The following THSD7B variants were observed in gnomAD, a reference collection of about 807,000 sequenced individuals.
THSD7B encodes thrombospondin type-1 domain-containing protein 7B.
THSD7B carries 138 observed loss-of-function variants against 213.6 expected under a neutral mutation model. The observed-to-expected ratio is 0.65, with a 90% CI of 0.56 to 0.74. The LOEUF (loss-of-function observed/expected upper bound fraction) is 0.74. THSD7B is among the 30% of genes least tolerant of loss of function. The probability of loss-of-function intolerance (pLI) is 0.00; values close to 1 mark genes in which losing one functional copy is unlikely to be tolerated. For missense variants in THSD7B, 1,931 were observed against 1,991.5 expected (o/e 0.97, Z 0.58); for synonymous variants, 742 against 687.0 (o/e 1.08, Z -1.25).
At chr2:137,470,826 T>C (rs1160384528) in intron 15 of THSD7B, among the ~76,000 whole-genome samples, 1 of 152,164 alleles carries the variant, frequency 6.6e-6, no homozygotes, top group Non-Finnish European at 1.5e-5. Context: ...AGAATGTCTA[T>C]AGTCTTTAGA....
At chr2:137,272,951 T>G (rs1384688432) in intron 11 of THSD7B, among the ~76,000 whole-genome samples, 1 of 150,468 alleles carries the variant, frequency 6.6e-6, no homozygotes, top group African/African-American at 2.4e-5. Flanking sequence ...CGAAAGAGAT[T>G]CAGGATGAGA....
At chr2:137,344,125 T>C (rs1253892060) in intron 12 of THSD7B, among the ~76,000 whole-genome samples, 2 of 151,596 alleles carry the variant, frequency 1.3e-5, no homozygotes, top group Non-Finnish European at 3.0e-5. Flanking sequence ...GGGATCTAGG[T>C]TGCAGGCTTC....
At chr2:137,644,332 A>G (rs1243940727) in intron 21 of THSD7B, among the ~76,000 whole-genome samples, 2 of 152,212 alleles carry the variant, frequency 1.3e-5, no homozygotes, top group African/African-American at 4.8e-5. Flanking sequence ...CCCTTACCCA[A>G]ACAGTGCCAA....
intron 1 of THSD7B, among the ~76,000 whole-genome samples, chr2:136,874,555 C>G (rs1177797110): frequency 6.6e-6 from 1 of 152,150 alleles, no homozygotes; most frequent in Non-Finnish European, 1.5e-5. Flanking sequence ...CAAATTGAAA[C>G]TATTTTTACT....
chr2:137,576,651 T>C (rs1208019418), intron 17 of THSD7B, among the ~76,000 whole-genome samples: 3 of 152,144 alleles, frequency 2.0e-5, no homozygotes, highest in Non-Finnish European at 4.4e-5. Context: ...TAACTCTTTA[T>C]GTGTGCAGGA....
At chr2:137,308,353 G>A (rs1226255778) in intron 12 of THSD7B, among the ~76,000 whole-genome samples, 1 of 152,068 alleles carries the variant, frequency 6.6e-6, no homozygotes, top group Non-Finnish European at 1.5e-5. Context: ...GATTAGTCTT[G>A]TATCATCTAT....
intron 21 of THSD7B, 47 bp downstream of exon 21, chr2:137,642,680 A>G: frequency 1.2e-6 from 2 of 1,600,818 alleles, no homozygotes; most frequent in Non-Finnish European, 1.7e-6. Context: ...AGTATATTCG[A>G]AGCACTTGTC....
intron 12 of THSD7B, among the ~76,000 whole-genome samples, chr2:137,399,584 T>C (rs1686303199): frequency 1.3e-5 from 2 of 152,320 alleles, no homozygotes; most frequent in East Asian, 1.9e-4. Flanking sequence ...GAGTTTCCTT[T>C]AAAGATGACT....
chr2:136,986,042 A>T (rs1558877242), intron 2 of THSD7B, among the ~76,000 whole-genome samples: 1 of 152,222 alleles, frequency 6.6e-6, no homozygotes, highest in East Asian at 1.9e-4. Context: ...ATGAAAATGG[A>T]TACCTAATGC....
intron 15 of THSD7B, among the ~76,000 whole-genome samples, chr2:137,515,798 T>C (rs1680056952): frequency 1.3e-5 from 2 of 152,162 alleles, no homozygotes; most frequent in South Asian, 4.1e-4. Context: ...TCTCCCTTGG[T>C]TTAATGTAGA....
In THSD7B at chr2:137,303,704, T is replaced by TTA. The variant is rs1195856483; in HGVS notation, c.2500+27688_2500+27689dup. ...TATATTTATATATATTTATATATAT[T>TTA]TATATATATATTTATATATATATTT... On this transcript the variant is annotated intron_variant, in intron 12 of 27. Transcript: ENST00000409968. 9.9e-5 allele frequency among the ~76,000 whole-genome samples: 12 copies of TTA among 121,510 alleles called. 1 individual carries two copies. The highest frequency in any genetic ancestry group is 3.5e-4 in the African/African-American group (11 of 31,502). 79.7% of individuals were successfully genotyped at this position (121,510 alleles called of 152,430 possible). A position where few individuals can be genotyped will look rare whatever the true frequency, so the allele number is the denominator to read the frequency against.
chr2:136,998,261 C>CAAAAAAAAAAAAAAAAAGAAA (rs1685930601), intron 2 of THSD7B, among the ~76,000 whole-genome samples: 1 of 98,402 alleles, frequency 1.0e-5, no homozygotes, highest in Non-Finnish European at 2.1e-5. Flanking sequence ...ACTAAAAGGC[C>CAAAAAAAAAAAAAAAAAGAAA]AAAAAAAAAA....
intron 2 of THSD7B, among the ~76,000 whole-genome samples, chr2:137,025,927 G>T (rs985214478): frequency 1.3e-5 from 2 of 152,040 alleles, no homozygotes; most frequent in Non-Finnish European, 2.9e-5. Context: ...ACAAATTTCT[G>T]TGCATAATCT....
At chr2:137,450,579 T>G (rs1687628829) in intron 14 of THSD7B, among the ~76,000 whole-genome samples, 1 of 152,312 alleles carries the variant, frequency 6.6e-6, no homozygotes, top group South Asian at 2.1e-4. Flanking sequence ...CCTCATTCCT[T>G]CTTATCAGAA....
At chr2:137,417,384 A>G (rs1363724845) in intron 14 of THSD7B, among the ~76,000 whole-genome samples, 1 of 152,172 alleles carries the variant, frequency 6.6e-6, no homozygotes, top group Admixed American at 6.5e-5. Context: ...GGTGATTAAA[A>G]GAGCTTTTTT....
At chr2:136,913,637 G>A (rs1684305105) in intron 2 of THSD7B, among the ~76,000 whole-genome samples, 4 of 152,236 alleles carry the variant, frequency 2.6e-5, no homozygotes, top group Admixed American at 2.0e-4. Flanking sequence ...AGCCATGGCT[G>A]AAGGGAGCCA....
intron 7 of THSD7B, among the ~76,000 whole-genome samples, chr2:137,201,264 G>C (rs1680869363): frequency 6.6e-6 from 1 of 152,100 alleles, no homozygotes; most frequent in Non-Finnish European, 1.5e-5. Context: ...AAAACATTCT[G>C]GGGTGTGTGT....
rs572953706 is a variant in THSD7B, at chr2:137,547,646, G to C, written c.3139-15575G>C. Among the ~76,000 whole-genome samples the C allele has an allele frequency of 1.1e-3, 160 of 152,072 alleles. 2 individuals are homozygous for C. The highest frequency in any genetic ancestry group is 3.4e-3 in the African/African-American group (142 of 41,524). On this transcript the variant is annotated intron_variant, in intron 15 of 27. Transcript: ENST00000409968. ...ACTCATTTAGAAATTAGCCACATCA[G>C]GAACGGAGTTTGCAGACTGCAAGTT... is the stretch of plus-strand genomic sequence containing the variant.
intron 2 of THSD7B, among the ~76,000 whole-genome samples, chr2:136,974,847 G>T (rs1171020871): frequency 2.0e-5 from 3 of 151,898 alleles, no homozygotes; most frequent in African/African-American, 7.3e-5. Context: ...CTCTCTTCAG[G>T]TTTACCAGCA....
Sources: allele counts gnomAD v4.1 joint callset (sites outside exome capture counted in the v4.1 genomes callset), GRCh38; gene constraint gnomAD v4.1.1; transcripts MANE v1.5; gene names NCBI Gene and HGNC (gene_info 2026-07-23, HGNC 2026-07-21).